HEATR5B: variants seen among roughly 807,000 people sequenced by gnomAD.
HEATR5B encodes the protein HEAT repeat containing 5B.
In HEATR5B, 156 loss-of-function variants were observed where a neutral mutation model predicts 224.1. That is an observed-to-expected ratio of 0.70 (90% CI 0.61 to 0.80). The LOEUF (loss-of-function observed/expected upper bound fraction) is 0.80, where lower values mean the gene tolerates loss of function less well. HEATR5B is among the 30% of genes least tolerant of loss of function. The probability of loss-of-function intolerance (pLI) is 0.00; values close to 1 mark genes in which losing one functional copy is unlikely to be tolerated. For synonymous variants in HEATR5B, 1,027 were observed against 893.0 expected, an observed-to-expected ratio of 1.15 and a Z score of -2.68; for missense variants, 2,323 against 2,535.5, an observed-to-expected ratio of 0.92 and a Z score of 1.80.
chr2:37,029,038 C>G, intron 22 of HEATR5B, 118 bp from the exon 23 acceptor site: 1 of 955,368 alleles, frequency 1.0e-6, no homozygotes, highest in Non-Finnish European at 1.6e-6. Context: ...AACCAGCTAG[C>G]TATATACAAT....
chr2:37,036,514 TTG>T (rs750466478), intron 21 of HEATR5B, among the ~76,000 whole-genome samples: 7 of 90,968 alleles, frequency 7.7e-5, no homozygotes, highest in African/African-American at 4.0e-4. Context: ...TAAATATCAA[TTG>T]TTTTTTTTTT....
At chr2:37,042,624 G>A (rs1669942366) in intron 18 of HEATR5B, among the ~76,000 whole-genome samples, 2 of 152,180 alleles carry the variant, frequency 1.3e-5, no homozygotes, top group African/African-American at 2.4e-5. Context: ...GGGCACAGTG[G>A]CTCATGCCTG....
At chr2:36,988,200 A>G (rs980563355) in intron 35 of HEATR5B, among the ~76,000 whole-genome samples, 1 of 151,950 alleles carries the variant, frequency 6.6e-6, no homozygotes, top group African/African-American at 2.4e-5. Flanking sequence ...TTCCTGCTCA[A>G]AAACAAACAA....
intron 32 of HEATR5B, among the ~76,000 whole-genome samples, chr2:37,001,694 TG>T (rs1206347140): frequency 1.3e-5 from 2 of 151,798 alleles, no homozygotes; most frequent in African/African-American, 2.4e-5. Flanking sequence ...TTGAGAGTCT[TG>T]CTCTGTCGCT....
chr2:37,080,886 A>T (rs1558388139), intron 2 of HEATR5B, among the ~76,000 whole-genome samples: 1 of 152,166 alleles, frequency 6.6e-6, no homozygotes, highest in Non-Finnish European at 1.5e-5. Flanking sequence ...GAAGCCACGA[A>T]CAGGAAGAAA....
At chr2:37,076,038 T>G (rs1368994102) in intron 4 of HEATR5B, 2 of 153,202 alleles carry the variant, frequency 1.3e-5, no homozygotes, top group East Asian at 3.8e-4. Context: ...TCCAACACAT[T>G]TAAAAAAACA....
intron 2 of HEATR5B, among the ~76,000 whole-genome samples, chr2:37,081,686 TG>T (rs1165198991): frequency 5.3e-5 from 8 of 152,148 alleles, no homozygotes; most frequent in African/African-American, 1.9e-4. Flanking sequence ...GTTTATTCTC[TG>T]GGAAGAGTGA....
chr2:37,018,910 C>T (rs1171068441), intron 26 of HEATR5B, among the ~76,000 whole-genome samples: 10 of 152,010 alleles, frequency 6.6e-5, no homozygotes, highest in African/African-American at 2.4e-4. Context: ...CCCTGTAATA[C>T]CAGCACTTTG....
At chr2:37,055,232 ACTTT>A (rs987678438) in intron 16 of HEATR5B, 5 of 178,850 alleles carry the variant, frequency 2.8e-5, no homozygotes, top group Non-Finnish European at 3.6e-5. Context: ...ACAAAAATGG[ACTTT>A]CTATTATTTA....
At chr2:36,982,044 A>C (rs1665616697) in intron 35 of HEATR5B, among the ~76,000 whole-genome samples, 1 of 151,606 alleles carries the variant, frequency 6.6e-6, no homozygotes, top group Admixed American at 6.6e-5. Context: ...AAAAGGGCCA[A>C]AGGTTAAAAA....
At chr2:37,062,787 CTTAT>C (rs919602868) in intron 10 of HEATR5B, among the ~76,000 whole-genome samples, 19 of 152,198 alleles carry the variant, frequency 1.2e-4, no homozygotes, top group African/African-American at 4.1e-4. Context: ...GATTAGCTTA[CTTAT>C]TTGTTTGTTT....
intron 20 of HEATR5B, among the ~76,000 whole-genome samples, chr2:37,038,842 G>A (rs1669683221): frequency 6.9e-6 from 1 of 144,512 alleles, no homozygotes; most frequent in Non-Finnish European, 1.5e-5. Context: ...GGAGGTTGTA[G>A]CGAGCTGAGA....
rs1665545310 is a variant in HEATR5B at position 36,980,943 on chromosome 2, G to C, written c.*547C>G. 1 of 151,926 alleles carries C rather than the reference G, an allele frequency of 6.6e-6. No individual in the cohort carries two copies. The highest frequency in any genetic ancestry group is 2.1e-4 in the South Asian group (1 of 4,818). 9.4% of individuals were successfully genotyped at this position (151,926 alleles called of 1,614,324 possible). A position where few individuals can be genotyped will look rare whatever the true frequency, so the allele number is the denominator to read the frequency against. On this transcript the variant is annotated 3_prime_UTR_variant, in exon 36 of 36. Coordinates refer to ENST00000233099, the MANE Select transcript of HEATR5B (RefSeq NM_019024.3). ...ATTGTTACCAACTAAAATATACATAGCATAATTTAGTAATTTGATATGAAA... is the reference window on the plus strand; with the variant it reads ...ATTGTTACCAACTAAAATATACATACCATAATTTAGTAATTTGATATGAAA...
intron 21 of HEATR5B, among the ~76,000 whole-genome samples, 170 bp from the exon 22 acceptor site, chr2:37,032,943 T>C (rs1572851200): frequency 6.6e-6 from 1 of 151,612 alleles, no homozygotes; most frequent in Non-Finnish European, 1.5e-5. Context: ...CGCAGTGGCG[T>C]GATCTCAGCT....
At chr2:37,045,846 C>G (rs1403619621) in intron 18 of HEATR5B, among the ~76,000 whole-genome samples, 7 of 152,154 alleles carry the variant, frequency 4.6e-5, no homozygotes, top group Admixed American at 3.9e-4. Flanking sequence ...TGTTTCTTTC[C>G]CATTCCTAGG....
chr2:37,004,770 A>G (rs937595455), intron 30 of HEATR5B, among the ~76,000 whole-genome samples: 5 of 151,662 alleles, frequency 3.3e-5, no homozygotes, highest in Admixed American at 6.6e-5. Context: ...TCCACTGTTG[A>G]TTTATTTCCT....
chr2:37,008,765 G>GT lies in HEATR5B; in HGVS notation c.4367dup (p.Asp1456GlufsTer8), dbSNP rs1558724558. ...GCAGTTCATCGATGGTACCACAGTC[G>GT]TCATCATCATCGTCAGTATTTTTAA... On this transcript the variant is annotated frameshift_variant, in exon 28 of 36. Coordinates refer to ENST00000233099, the MANE Select transcript of HEATR5B (RefSeq NM_019024.3). LOFTEE classifies it high-confidence loss of function. The GT allele has an allele frequency of 1.9e-6, 3 of 1,613,940 alleles. No homozygotes were observed. The Admixed American group carries it at 5.0e-5, about 27-fold the overall frequency.
chr2:37,048,782 G>C (rs575273002), intron 18 of HEATR5B, among the ~76,000 whole-genome samples: 2 of 152,140 alleles, frequency 1.3e-5, no homozygotes, highest in Admixed American at 1.3e-4. Flanking sequence ...ACTATCCTTA[G>C]TGCATTAGGG....
chr2:37,010,719 G>C (rs975556515), intron 27 of HEATR5B, among the ~76,000 whole-genome samples: 1 of 151,916 alleles, frequency 6.6e-6, no homozygotes, highest in South Asian at 2.1e-4. Flanking sequence ...TCTCCACGTT[G>C]GCCAGGCTGG....
Sources: allele counts gnomAD v4.1 joint callset (sites outside exome capture counted in the v4.1 genomes callset), GRCh38; gene constraint gnomAD v4.1.1; transcripts MANE v1.5; gene names NCBI Gene and HGNC (gene_info 2026-07-23, HGNC 2026-07-21).